Variants in CEP97 observed in about 807,000 individuals in gnomAD.
The protein encoded by CEP97 is centrosomal protein 97.
CEP97 carries 43 observed loss-of-function variants against 73.1 expected under a neutral mutation model. That is an observed-to-expected ratio of 0.59 (90% CI 0.46 to 0.76). The LOEUF is 0.76. CEP97 is among the 30% of genes least tolerant of loss of function. The pLI is 0.00. For missense variants in CEP97, 939 were observed against 1,014.0 expected, an observed-to-expected ratio of 0.93 and a Z score of 1.00; for synonymous variants, 337 against 370.0, an observed-to-expected ratio of 0.91 and a Z score of 1.02.
chr3:101,751,283 TG>T (rs1430417829), intron 6 of CEP97, among the ~76,000 whole-genome samples: 4 of 152,256 alleles, frequency 2.6e-5, no homozygotes, highest in Non-Finnish European at 5.9e-5. Flanking sequence ...AGAGACAGTT[TG>T]TTATAATTTC....
At chr3:101,728,653 C>T (rs956510437) in intron 3 of CEP97, among the ~76,000 whole-genome samples, 183 bp from the exon 4 acceptor site, 2 of 151,978 alleles carry the variant, frequency 1.3e-5, no homozygotes, top group African/African-American at 2.4e-5. Context: ...TGAAAGTGTA[C>T]GTTTACAACC....
intron 6 of CEP97, among the ~76,000 whole-genome samples, chr3:101,751,031 C>T (rs1168219721): frequency 5.9e-5 from 9 of 152,160 alleles, no homozygotes; most frequent in Non-Finnish European, 1.2e-4. Flanking sequence ...ATCTTTCCTG[C>T]TTTCTCTTGT....
At chr3:101,741,959 T>C (rs1175429137) in intron 6 of CEP97, among the ~76,000 whole-genome samples, 1 of 151,806 alleles carries the variant, frequency 6.6e-6, no homozygotes, top group Non-Finnish European at 1.5e-5. Context: ...GGAGAGTCGC[T>C]TGAGCCCAGG....
rs768981070 is a variant in CEP97, at chr3:101,765,532, A to T, written c.2579A>T (p.His860Leu). The change falls in exon 11 of 11, where the codon CAT (histidine) becomes CTT (leucine). Residue 860 changes from histidine to leucine, a missense_variant. Transcript: ENST00000341893. Reference sequence around the variant, plus strand: ...TGTGATTCTACATTTCAGCTATTGCATGTTGGTGTTACTGTGTAGCATGTC... The same window carrying T: ...TGTGATTCTACATTTCAGCTATTGCTTGTTGGTGTTACTGTGTAGCATGTC... ...PECDSTFQLL[H>L]VGVTV 2 of 1,611,584 alleles carry T rather than the reference A, an allele frequency of 1.2e-6. No homozygotes were observed. Among genetic ancestry groups the T allele is most frequent in the African/African-American group, 2.7e-5 (2 of 74,926 alleles).
intron 6 of CEP97, among the ~76,000 whole-genome samples, chr3:101,733,222 G>GT (rs1231103013): frequency 6.6e-6 from 1 of 152,130 alleles, no homozygotes; most frequent in Non-Finnish European, 1.5e-5. Context: ...TTGTTAATCA[G>GT]TTGTTTGGAG....
In CEP97 at chr3:101,757,961, A is replaced by G. The variant is rs1553791568; in HGVS notation, c.1355A>G (p.Glu452Gly). The change falls in exon 9 of 11, where the codon GAG becomes GGG. Residue 452 changes from glutamate (E) to glycine (G), a missense_variant. Coordinates refer to ENST00000341893, the MANE Select transcript of CEP97 (RefSeq NM_024548.4). The stretch of plus-strand genomic sequence containing the variant: ...GAAAGCCAGGTGTTGGATAAGGAAG[A>G]GGAACAGCCTTTATGGGCTGCAAAT... ...GLESQVLDKE[E>G]EQPLWAANEN... is the part of the protein sequence containing the mutation. The G allele has an allele frequency of 1.2e-6, 2 of 1,614,238 alleles. No individual in the cohort carries two copies. Among genetic ancestry groups the G allele is most frequent in the Non-Finnish European group, 1.7e-6 (2 of 1,180,044 alleles).
chr3:101,746,732 T>G (rs1232532086), intron 6 of CEP97, among the ~76,000 whole-genome samples: 1 of 151,714 alleles, frequency 6.6e-6, no homozygotes, highest in Non-Finnish European at 1.5e-5. Context: ...ACCATCAGAG[T>G]CAACAGGCAA....
intron 4 of CEP97, among the ~76,000 whole-genome samples, chr3:101,729,352 G>A (rs1222080396): frequency 6.6e-6 from 1 of 151,252 alleles, no homozygotes; most frequent in Non-Finnish European, 1.5e-5. Context: ...AAAAAAAAAG[G>A]AATTATGTTA....
Position 101,765,427 on chromosome 3 carries a change from C to T in CEP97, c.2474C>T (p.Ser825Phe), listed in dbSNP as rs570855126. ...TCTGTAGATGAGAGTCATGGCATAT[C>T]TCCTCCTTTGCAAGGTGAAATTAGC... ...GASVDESHGI[S>F]PPLQGEISQT... Residue 825 changes from serine to phenylalanine, a missense_variant, in exon 11 of 11, where the codon TCT (serine) becomes TTT (phenylalanine). Coordinates refer to ENST00000341893, the MANE Select transcript of CEP97 (RefSeq NM_024548.4). 1 of 1,614,150 alleles carries T rather than the reference C, an allele frequency of 6.2e-7. No individual in the cohort carries two copies. The highest frequency in any genetic ancestry group is 8.5e-7 in the Non-Finnish European group (1 of 1,180,012).
chr3:101,727,251 A>T, intron 2 of CEP97, 132 bp from the exon 3 acceptor site: 3 of 668,902 alleles, frequency 4.5e-6, no homozygotes, highest in East Asian at 5.8e-5. Context: ...TATTTAGACA[A>T]TATATGTGAA....
intron 6 of CEP97, among the ~76,000 whole-genome samples, chr3:101,733,858 C>T (rs1433089393): frequency 6.6e-6 from 1 of 151,060 alleles, no homozygotes; most frequent in Non-Finnish European, 1.5e-5. Context: ...CTGAGTTTCA[C>T]TCTTGTTGCC....
At chr3:101,726,314 C>T (rs1022769716) in intron 1 of CEP97, among the ~76,000 whole-genome samples, 2 of 152,084 alleles carry the variant, frequency 1.3e-5, no homozygotes, top group African/African-American at 2.4e-5. Context: ...TGGAAGTAAT[C>T]GTCCATATTT....
At chr3:101,762,779 A>G (rs1939206760) in intron 10 of CEP97, among the ~76,000 whole-genome samples, 1 of 152,222 alleles carries the variant, frequency 6.6e-6, no homozygotes, top group African/African-American at 2.4e-5. Context: ...AAGAAAAACA[A>G]AATAGTATAA....
At chr3:101,730,954 A>AAT (rs1280309305) in intron 4 of CEP97, among the ~76,000 whole-genome samples, 2 of 151,094 alleles carry the variant, frequency 1.3e-5, no homozygotes, top group African/African-American at 4.9e-5. Context: ...AAGATGATTG[A>AAT]ATTTTTTTTT....
rs188437493 is a variant in CEP97, at chr3:101,762,944, A to G, written c.1893+384A>G. Among the ~76,000 whole-genome samples, 82 of 151,944 alleles carry G rather than the reference A, an allele frequency of 5.4e-4. 1 individual carries two copies. The highest frequency in any genetic ancestry group is 4.4e-4 in the Non-Finnish European group (30 of 68,010). ...TATATGACTACAATATGCATGTCCT[A>G]AAAAGTATTCATAACTGTATAGGAG... On this transcript the variant is annotated intron_variant, in intron 10 of 10. Coordinates refer to ENST00000341893, the MANE Select transcript of CEP97 (RefSeq NM_024548.4).
Position 101,728,883 on chromosome 3 carries a change from A to G in CEP97, c.393A>G (p.Leu131=), listed in dbSNP as rs761469992. 5 of 1,608,484 alleles carry G rather than the reference A, an allele frequency of 3.1e-6. No homozygotes were observed. The Admixed American group carries it at 8.3e-5, about 27-fold the overall frequency. ...GCACAGCTCTACAGCATCTCGATTT[A>G]TCAGACAATAATATATCCCAGATAG... ...NSCTALQHLD[L]SDNNISQIGD... Residue 131 remains leucine (L), a synonymous_variant, in exon 4 of 11, where the codon TTA becomes TTG. Coordinates refer to ENST00000341893, the MANE Select transcript of CEP97 (RefSeq NM_024548.4).
Position 101,724,634 on chromosome 3 carries a change from C to T in CEP97, c.-43C>T. On this transcript the variant is annotated 5_prime_UTR_variant, in exon 1 of 11. Coordinates refer to ENST00000341893, the MANE Select transcript of CEP97 (RefSeq NM_024548.4). ...CCTTCAGATTACAAGCTCCACAGAG[C>T]CGCGGGAGGACGGTTGCCTGGTATT... 6.2e-7 allele frequency: 1 copy of T among 1,612,644 alleles called. No homozygotes were observed. The highest frequency in any genetic ancestry group is 8.5e-7 in the Non-Finnish European group (1 of 1,178,712).
intron 6 of CEP97, among the ~76,000 whole-genome samples, chr3:101,747,685 T>G (rs934643812): frequency 7.2e-6 from 1 of 139,298 alleles, no homozygotes; most frequent in African/African-American, 2.6e-5. Context: ...GCCACCCTAG[T>G]AGCTGGTATT....
chr3:101,760,212 A>G (rs1468310681), intron 9 of CEP97, among the ~76,000 whole-genome samples: 2 of 152,062 alleles, frequency 1.3e-5, no homozygotes, highest in Non-Finnish European at 2.9e-5. Flanking sequence ...TCAATAATGT[A>G]TAAGATGTGG....
Sources: gnomAD v4.1 joint callset for allele counts (sites outside exome capture counted in the v4.1 genomes callset) on GRCh38, gnomAD v4.1.1 for gene constraint, MANE v1.5 for transcripts, NCBI Gene and HGNC (gene_info 2026-07-23, HGNC 2026-07-21) for gene names.